Variants in ANKRD12 observed in about 807,000 individuals in gnomAD.
ANKRD12 encodes ankyrin repeat domain 12.
ANKRD12 carries 85 observed loss-of-function variants against 183.4 expected under a neutral mutation model. The ratio of observed to expected loss-of-function variants is 0.46; its 90% CI spans 0.39 to 0.56. The LOEUF (loss-of-function observed/expected upper bound fraction) is 0.56, where lower values mean the gene tolerates loss of function less well. Among genes scored for constraint, ANKRD12 ranks in the 20% least tolerant of loss-of-function variants. The pLI, the probability that ANKRD12 is intolerant of heterozygous loss-of-function variation, is 0.00. For missense variants in ANKRD12, 2,405 were observed against 2,357.1 expected, an observed-to-expected ratio of 1.02 and a Z score of -0.42; for synonymous variants, 914 against 800.2, an observed-to-expected ratio of 1.14 and a Z score of -2.40.
intron 1 of ANKRD12, among the ~76,000 whole-genome samples, chr18:9,169,004 T>C (rs559609282): frequency 6.5e-4 from 99 of 152,288 alleles, no homozygotes; most frequent in African/African-American, 2.3e-3. Flanking sequence ...GAGCAGGTTG[T>C]TCAGTTTCCA....
At chr18:9,229,712 T>C (rs1323404433) in intron 8 of ANKRD12, among the ~76,000 whole-genome samples, 2 of 152,178 alleles carry the variant, frequency 1.3e-5, no homozygotes, top group Non-Finnish European at 2.9e-5. Context: ...TGTTTTCTGC[T>C]TGTGTTGAAA....
rs773777685 is a variant in ANKRD12, at chr18:9,255,913, TAAA to T, written c.2647_2649del (p.Lys883del). 45 of 1,590,234 alleles carry T rather than the reference TAAA, an allele frequency of 2.8e-5. 1 individual carries two copies. The African/African-American group carries it at 5.5e-4, about 19-fold the overall frequency. On this transcript the variant is annotated inframe_deletion, in exon 9 of 13. Coordinates refer to ENST00000262126, the MANE Select transcript of ANKRD12 (RefSeq NM_015208.5). ...ATTCGCATCACACAGAAAAATGCCATAAAGAAGGTGAGAAGAGCAAAAATACTG... is the reference window on the plus strand; with the variant it reads ...ATTCGCATCACACAGAAAAATGCCATGAAGGTGAGAAGAGCAAAAATACTG...
intron 6 of ANKRD12, among the ~76,000 whole-genome samples, chr18:9,215,903 A>G (rs937703063): frequency 6.6e-6 from 1 of 152,208 alleles, no homozygotes; most frequent in African/African-American, 2.4e-5. Context: ...AGGTGACTTG[A>G]TGGAGTTGAA....
chr18:9,197,441 G>C (rs2034902036), intron 3 of ANKRD12, among the ~76,000 whole-genome samples: 1 of 152,214 alleles, frequency 6.6e-6, no homozygotes, highest in Non-Finnish European at 1.5e-5. Context: ...GTGGGGACTA[G>C]GGGCGCCAAC....
chr18:9,263,734 G>A lies in ANKRD12; in HGVS notation c.5665-56G>A, dbSNP rs1001362137. On this transcript the variant is annotated intron_variant, in intron 9 of 12. Transcript: ENST00000262126. ...AAAAGGGTTTAATTTTAAAAGAATA[G>A]CCCATTATTGTAAATAAAACCTAAT... 3.1e-6 allele frequency: 4 copies of A among 1,289,728 alleles called. No individual in the cohort carries two copies. The African/African-American group carries it at 6.2e-5, about 20-fold the overall frequency. The allele number at this position is 1,289,728 out of a possible 1,614,324, so 79.9% of individuals were successfully genotyped here.
rs1296299481 is a variant in ANKRD12, at chr18:9,284,183, C to A, written c.*3057C>A. On this transcript the variant is annotated 3_prime_UTR_variant, in exon 13 of 13. Coordinates refer to ENST00000262126, the MANE Select transcript of ANKRD12 (RefSeq NM_015208.5). ...AATAGACTTGCTTGAAGCAGGGTTG[C>A]CACAAACCTTCAATTTGTAAAAAAC... The A allele has an allele frequency of 3.9e-5, 6 of 152,130 alleles. No homozygotes were observed. Among genetic ancestry groups the A allele is most frequent in the Non-Finnish European group, 7.4e-5 (5 of 68,014 alleles). 9.4% of individuals were successfully genotyped at this position (152,130 alleles called of 1,614,324 possible).
At position 9,256,579 on chromosome 18, in the gene ANKRD12, A is replaced by G; in HGVS notation, c.3312A>G (p.Gln1104=). Residue 1104 remains glutamine, a synonymous_variant, in exon 9 of 13, where the codon CAA becomes CAG. Coordinates refer to ENST00000262126, the MANE Select transcript of ANKRD12 (RefSeq NM_015208.5). ...WHKKHKEKIK[Q]KEKERLRNRN... is the part of the protein sequence containing the mutation. ...AAAAACATAAGGAAAAAATTAAGCA[A>G]AAAGAAAAGGAACGGTTGAGAAACC... is the stretch of plus-strand genomic sequence containing the variant. The G allele has an allele frequency of 4.4e-6, 7 of 1,596,038 alleles. No individual in the cohort carries two copies. The highest frequency in any genetic ancestry group is 5.1e-6 in the Non-Finnish European group (6 of 1,175,796).
At chr18:9,138,372 G>T (rs7505120) in intron 1 of ANKRD12, among the ~76,000 whole-genome samples, 1 of 152,000 alleles carries the variant, frequency 6.6e-6, no homozygotes, top group Non-Finnish European at 1.5e-5. Context: ...AATTAGCCAG[G>T]CGTGGTGGCG....
Position 9,221,900 on chromosome 18 carries a change from A to G in ANKRD12, c.844A>G (p.Lys282Glu). 6.2e-7 allele frequency: 1 copy of G among 1,614,050 alleles called. No individual in the cohort carries two copies. Among genetic ancestry groups the G allele is most frequent in the Non-Finnish European group, 8.5e-7 (1 of 1,179,928 alleles). Residue 282 changes from lysine (K) to glutamate (E), a missense_variant, in exon 8 of 13, where the codon AAA becomes GAA. Around this residue, in one of 7 missense-constraint regions of ANKRD12, gnomAD observed 40 missense variants for 54.2 expected, o/e 0.74. Transcript: ENST00000262126. ...CGGTGGAAATCCATTTCAAGCTAAT[A>G]AACATGGGGAGCGTCCAGTGGATGT... ...RHGGNPFQANKHGERPVDVAE... is the reference protein window; with the variant it reads ...RHGGNPFQANEHGERPVDVAE...
chr18:9,231,798 C>G (rs1039050452), intron 8 of ANKRD12, among the ~76,000 whole-genome samples: 1 of 131,766 alleles, frequency 7.6e-6, no homozygotes, highest in Non-Finnish European at 1.5e-5. Context: ...GCACTCCAAC[C>G]TGGGCAACAG....
chr18:9,158,314 C>G (rs117059282), intron 1 of ANKRD12, among the ~76,000 whole-genome samples: 2,979 of 152,160 alleles, frequency 0.02, 59 homozygotes, highest in Admixed American at 0.041. Context: ...TCAGATTGCC[C>G]TAGTTTTTTG....
chr18:9,257,450 G>T lies in ANKRD12; in HGVS notation c.4183G>T (p.Val1395Leu). ...DRNLIKNTAP[V>L]NTVMDSPVHL... Reference sequence around the variant, plus strand: ...AAATCTCATCAAGAATACTGCCCCAGTGAACACTGTAATGGACAGTCCAGT... The same window carrying T: ...AAATCTCATCAAGAATACTGCCCCATTGAACACTGTAATGGACAGTCCAGT... Residue 1395 changes from valine (V) to leucine (L), a missense_variant, in exon 9 of 13, where the codon GTG (valine) becomes TTG (leucine). Coordinates refer to ENST00000262126, the MANE Select transcript of ANKRD12 (RefSeq NM_015208.5). 6.2e-7 allele frequency: 1 copy of T among 1,614,090 alleles called. No homozygotes were observed. Among genetic ancestry groups the T allele is most frequent in the South Asian group, 1.1e-5 (1 of 91,082 alleles).
At chr18:9,178,360 T>G (rs185811509) in intron 1 of ANKRD12, among the ~76,000 whole-genome samples, 90 of 152,138 alleles carry the variant, frequency 5.9e-4, no homozygotes, top group African/African-American at 1.7e-3. Context: ...TGCATTTGGA[T>G]ATACAGTTTT....
At chr18:9,148,802 A>G (rs895427829) in intron 1 of ANKRD12, among the ~76,000 whole-genome samples, 2 of 152,176 alleles carry the variant, frequency 1.3e-5, no homozygotes, top group Admixed American at 1.3e-4. Context: ...TTCTGAACAC[A>G]CTACTCGAAT....
intron 10 of ANKRD12, among the ~76,000 whole-genome samples, chr18:9,267,252 A>C (rs1384983302): frequency 6.6e-6 from 1 of 152,190 alleles, no homozygotes; most frequent in Admixed American, 6.5e-5. Context: ...AATTGAACTC[A>C]GCTCTGCACC....
rs2078114245 is a variant in ANKRD12, at chr18:9,136,798, T to G, written c.-219T>G. On this transcript the variant is annotated 5_prime_UTR_variant, in exon 1 of 13. Coordinates refer to ENST00000262126, the MANE Select transcript of ANKRD12 (RefSeq NM_015208.5). Reference sequence around the variant, plus strand: ...AGCCAATCGCGGGGCGACGCTGTCCTGGGAGCGAGGAGGCTGTGGTGAGAG... The same window carrying G: ...AGCCAATCGCGGGGCGACGCTGTCCGGGGAGCGAGGAGGCTGTGGTGAGAG... The G allele has an allele frequency of 6.6e-6, 1 of 152,106 alleles. No individual in the cohort carries two copies. Among genetic ancestry groups the G allele is most frequent in the Non-Finnish European group, 1.5e-5 (1 of 68,050 alleles). The allele number at this position is 152,106 out of a possible 1,614,324, so 9.4% of individuals were successfully genotyped here.
rs1438736153 is a variant in ANKRD12, at chr18:9,149,803, T to TA, written c.-52+12838_-52+12839insA. On this transcript the variant is annotated intron_variant, in intron 1 of 12. Transcript: ENST00000262126. The stretch of plus-strand genomic sequence containing the variant: ...TTATTTATTTATTAAATTTTATTTT[T>TA]TTTTTTTTTTGAGACGGAGTCTCAC... Among the ~76,000 whole-genome samples the TA allele has an allele frequency of 1.3e-3, 187 of 140,040 alleles. 3 individuals carry two copies. The highest frequency in any genetic ancestry group is 2.5e-3 in the African/African-American group (96 of 38,454). The allele number at this position is 140,040 out of a possible 152,430, so 91.9% of individuals were successfully genotyped here. A position where few individuals can be genotyped will look rare whatever the true frequency, so the allele number is the denominator to read the frequency against.
intron 8 of ANKRD12, among the ~76,000 whole-genome samples, chr18:9,247,199 T>TA (rs1302242198): frequency 2.0e-5 from 3 of 151,756 alleles, no homozygotes; most frequent in East Asian, 1.9e-4. Context: ...TTAACTAATT[T>TA]AAAATCTTTG....
intron 1 of ANKRD12, among the ~76,000 whole-genome samples, chr18:9,170,119 C>G (rs958764611): frequency 2.6e-5 from 4 of 152,182 alleles, no homozygotes; most frequent in South Asian, 4.1e-4. Flanking sequence ...TGGGTAACCC[C>G]ACCTTTCTCT....
Sources: allele counts gnomAD v4.1 joint callset (sites outside exome capture counted in the v4.1 genomes callset), GRCh38; gene constraint gnomAD v4.1.1; regional missense constraint gnomAD v4.1.1; transcripts MANE v1.5; gene names NCBI Gene and HGNC (gene_info 2026-07-23, HGNC 2026-07-21).